PLCXD2: variants seen among roughly 807,000 people sequenced by gnomAD.
The protein encoded by PLCXD2 is PI-PLC X domain-containing protein 2.
PLCXD2 carries 21 observed loss-of-function variants against 28.6 expected under a neutral mutation model. The ratio of observed to expected loss-of-function variants is 0.73; its 90% CI spans 0.52 to 1.06. PLCXD2 has a LOEUF of 1.06. Ranked by LOEUF, PLCXD2 falls within the 50% of genes least tolerant of loss-of-function variation. The probability of loss-of-function intolerance (pLI) is 0.00; values close to 1 mark genes in which losing one functional copy is unlikely to be tolerated. For missense variants in PLCXD2, 369 were observed against 376.7 expected (o/e 0.98, Z 0.17); for synonymous variants, 140 against 150.1 (o/e 0.93, Z 0.49).
At chr3:111,698,912 G>A (rs1356560931) in intron 1 of PLCXD2, among the ~76,000 whole-genome samples, 2 of 151,988 alleles carry the variant, frequency 1.3e-5, no homozygotes, top group African/African-American at 2.4e-5. Context: ...TCTGTACTTT[G>A]TACATAGAAG....
At chr3:111,711,362 C>T (rs541795794) in intron 2 of PLCXD2, among the ~76,000 whole-genome samples, 2 of 152,298 alleles carry the variant, frequency 1.3e-5, no homozygotes, top group African/African-American at 2.4e-5. Context: ...TGAGATCGTG[C>T]CATTGCCCTC....
At chr3:111,698,413 G>C (rs2107853416) in intron 1 of PLCXD2, among the ~76,000 whole-genome samples, 1 of 152,344 alleles carries the variant, frequency 6.6e-6, no homozygotes, top group Non-Finnish European at 1.5e-5. Flanking sequence ...ACTCCATTTA[G>C]CTTATTCAGA....
intron 1 of PLCXD2, among the ~76,000 whole-genome samples, chr3:111,705,352 T>C (rs1285064422): frequency 1.3e-5 from 2 of 152,242 alleles, no homozygotes; most frequent in Non-Finnish European, 2.9e-5. Flanking sequence ...TCATTCTTTT[T>C]TATGGATGAA....
intron 1 of PLCXD2, among the ~76,000 whole-genome samples, chr3:111,687,715 C>T (rs1157928101): frequency 1.4e-5 from 2 of 144,702 alleles, no homozygotes; most frequent in Non-Finnish European, 3.0e-5. Context: ...GAGACAGGGT[C>T]TTGCTCTGTC....
At chr3:111,681,805 G>A (rs1011859182) in intron 1 of PLCXD2, among the ~76,000 whole-genome samples, 12 of 152,124 alleles carry the variant, frequency 7.9e-5, no homozygotes, top group African/African-American at 1.4e-4. Flanking sequence ...TTTCTAACAC[G>A]TGATCTGACC....
chr3:111,717,934 T>C (rs2107872474), intron 3 of PLCXD2, among the ~76,000 whole-genome samples: 1 of 152,232 alleles, frequency 6.6e-6, no homozygotes, highest in East Asian at 1.9e-4. Context: ...GTGTAGTTTC[T>C]TACTCCCAGC....
intron 1 of PLCXD2, among the ~76,000 whole-genome samples, chr3:111,696,538 C>T (rs768021783): frequency 1.3e-5 from 2 of 151,902 alleles, no homozygotes; most frequent in African/African-American, 2.4e-5. Flanking sequence ...GAAAGATAGC[C>T]GCACCTGGTT....
At position 111,707,141 on chromosome 3, in the gene PLCXD2, G is replaced by A. The variant is rs115431534; in HGVS notation, c.164-785G>A. Among the ~76,000 whole-genome samples, 850 of 152,264 alleles carry A rather than the reference G, an allele frequency of 5.6e-3. 6 individuals carry two copies. The highest frequency in any genetic ancestry group is 0.019 in the African/African-American group (795 of 41,546). On this transcript the variant is annotated intron_variant, in intron 1 of 4. Coordinates refer to ENST00000477665, the MANE Select transcript of PLCXD2 (RefSeq NM_001185106.1). ...TTGTTAAGACAGAGGAACAGAATGT[G>A]CGTTTGGACCATTTAATAGCAGTTT... is the stretch of plus-strand genomic sequence containing the variant.
chr3:111,709,106 A>C (rs1941163841), intron 2 of PLCXD2, among the ~76,000 whole-genome samples: 1 of 152,156 alleles, frequency 6.6e-6, no homozygotes, highest in African/African-American at 2.4e-5. Context: ...AAAAAAAAAA[A>C]AAGACATACC....
At chr3:111,686,114 G>T (rs1041344699) in intron 1 of PLCXD2, among the ~76,000 whole-genome samples, 1 of 152,180 alleles carries the variant, frequency 6.6e-6, no homozygotes, top group African/African-American at 2.4e-5. Context: ...ACTAGAGAAG[G>T]TCTGGTTGCA....
At chr3:111,709,303 T>A (rs1442191113) in intron 2 of PLCXD2, among the ~76,000 whole-genome samples, 1 of 152,046 alleles carries the variant, frequency 6.6e-6, no homozygotes, top group African/African-American at 2.4e-5. Context: ...AATTAGTAAA[T>A]AAAATAGACA....
chr3:111,718,491 T>TGATAGATAGATA (rs531765923), intron 3 of PLCXD2, among the ~76,000 whole-genome samples: 37 of 137,228 alleles, frequency 2.7e-4, no homozygotes, highest in African/African-American at 5.2e-4. Flanking sequence ...GATGGATAGA[T>TGATAGATAGATA]GATAGATAGA....
chr3:111,697,505 T>C (rs899931558), intron 1 of PLCXD2, among the ~76,000 whole-genome samples: 1 of 152,240 alleles, frequency 6.6e-6, no homozygotes, highest in Non-Finnish European at 1.5e-5. Context: ...GAAAAACTTC[T>C]GAAAATATTA....
intron 1 of PLCXD2, among the ~76,000 whole-genome samples, chr3:111,690,881 G>A (rs1344486441): frequency 1.3e-5 from 2 of 152,178 alleles, no homozygotes; most frequent in Non-Finnish European, 2.9e-5. Context: ...CTTTAAATAT[G>A]TTTTTTCAAA....
At chr3:111,705,099 G>A (rs1941098701) in intron 1 of PLCXD2, among the ~76,000 whole-genome samples, 1 of 152,118 alleles carries the variant, frequency 6.6e-6, no homozygotes, top group Non-Finnish European at 1.5e-5. Context: ...TTACAGGCAT[G>A]AGCCACCACG....
intron 2 of PLCXD2, among the ~76,000 whole-genome samples, chr3:111,709,014 A>T (rs1576461911): frequency 6.7e-6 from 1 of 148,274 alleles, no homozygotes; most frequent in South Asian, 2.1e-4. Flanking sequence ...TGTGGGCCTC[A>T]GATATATTCC....
intron 1 of PLCXD2, among the ~76,000 whole-genome samples, chr3:111,683,644 A>G (rs1011088800): frequency 1.3e-5 from 2 of 152,220 alleles, no homozygotes; most frequent in East Asian, 1.9e-4. Flanking sequence ...GTGATGATCA[A>G]TACAGACATG....
At chr3:111,697,656 T>G (rs1940981608) in intron 1 of PLCXD2, among the ~76,000 whole-genome samples, 1 of 152,184 alleles carries the variant, frequency 6.6e-6, no homozygotes, top group South Asian at 2.1e-4. Flanking sequence ...TTTTTCCATT[T>G]CAAATAATGG....
chr3:111,710,360 TAAC>T lies in PLCXD2; in HGVS notation c.624+1981_624+1983del, dbSNP rs564493209. ...TCTCTTTTACAATATGAGATAATGG[TAAC>T]AACAACTAATGTTTATTGAACCTTT... is the stretch of plus-strand genomic sequence containing the variant. On this transcript the variant is annotated intron_variant, in intron 2 of 4. Transcript: ENST00000477665. Among the ~76,000 whole-genome samples the T allele has an allele frequency of 1.5e-4, 23 of 152,346 alleles. No homozygotes were observed. In the East Asian group the frequency reaches 2.3e-3, roughly 15 times the overall value.
Sources: allele counts gnomAD v4.1 joint callset (sites outside exome capture counted in the v4.1 genomes callset), GRCh38; gene constraint gnomAD v4.1.1; transcripts MANE v1.5; gene names NCBI Gene and HGNC (gene_info 2026-07-23, HGNC 2026-07-21).